Variants in ENTPD1 observed in about 807,000 individuals in gnomAD.
ENTPD1 encodes the protein ATP diphosphohydrolase.
A neutral mutation model predicts 57.0 loss-of-function variants in ENTPD1; 33 were observed. That is an observed-to-expected ratio of 0.58 (90% CI 0.44 to 0.77). The LOEUF (loss-of-function observed/expected upper bound fraction) is 0.77. Ranked by LOEUF, ENTPD1 falls within the 30% of genes least tolerant of loss-of-function variation. ENTPD1 has a pLI of 0.00. For synonymous variants in ENTPD1, 202 were observed against 218.8 expected (o/e 0.92, Z 0.68); for missense variants, 501 against 603.4 (o/e 0.83, Z 1.78).
intron 1 of ENTPD1, among the ~76,000 whole-genome samples, chr10:95,717,056 C>T (rs774084941): frequency 9.9e-5 from 15 of 152,148 alleles, no homozygotes; most frequent in African/African-American, 2.9e-4. Flanking sequence ...AGGCATGGGC[C>T]GTGTGGGATT....
intron 1 of ENTPD1, among the ~76,000 whole-genome samples, chr10:95,794,540 G>C (rs974320149): frequency 3.3e-5 from 5 of 152,152 alleles, no homozygotes; most frequent in African/African-American, 1.2e-4. Context: ...TTTGAGATGG[G>C]ACCCCAGAGT....
chr10:95,719,434 C>T (rs928693268), intron 1 of ENTPD1, among the ~76,000 whole-genome samples: 2 of 152,140 alleles, frequency 1.3e-5, no homozygotes, highest in African/African-American at 4.8e-5. Flanking sequence ...TTTGCCGTAC[C>T]TGGGAATCCA....
At chr10:95,856,859 TA>T (rs1401975071) in intron 7 of ENTPD1, among the ~76,000 whole-genome samples, 1 of 151,082 alleles carries the variant, frequency 6.6e-6, no homozygotes, top group Non-Finnish European at 1.5e-5. Context: ...ATTATATAAA[TA>T]TGTATTCACT....
chr10:95,809,028 A>T (rs1286584612), intron 1 of ENTPD1, among the ~76,000 whole-genome samples: 1 of 152,164 alleles, frequency 6.6e-6, no homozygotes, highest in Non-Finnish European at 1.5e-5. Context: ...TTCAGAGAGC[A>T]CGGGGTTGGG....
chr10:95,759,053 CA>C (rs2098044055), intron 1 of ENTPD1, among the ~76,000 whole-genome samples: 1 of 152,170 alleles, frequency 6.6e-6, no homozygotes, highest in Non-Finnish European at 1.5e-5. Flanking sequence ...TGTGCAAGTC[CA>C]AAAGGTCCTT....
chr10:95,736,164 C>T (rs535502728), intron 1 of ENTPD1, among the ~76,000 whole-genome samples: 1 of 151,954 alleles, frequency 6.6e-6, no homozygotes, highest in Non-Finnish European at 1.5e-5. Context: ...CCATGCTAGG[C>T]TAATTTTTGT....
intron 2 of ENTPD1, among the ~76,000 whole-genome samples, chr10:95,834,393 G>A (rs1207130395): frequency 6.6e-6 from 1 of 151,970 alleles, no homozygotes; most frequent in East Asian, 1.9e-4. Flanking sequence ...TGATCAGGAG[G>A]GTAGGATCTA....
At chr10:95,750,744 GC>G (rs1181429807), upstream of ENTPD1, among the ~76,000 whole-genome samples, 1 of 152,206 alleles carries the variant, frequency 6.6e-6, no homozygotes, top group Non-Finnish European at 1.5e-5. Context: ...CAGAGTTGTG[GC>G]CAGGCGCGGT....
chr10:95,816,948 A>G (rs1189399913), intron 1 of ENTPD1, among the ~76,000 whole-genome samples: 1 of 152,214 alleles, frequency 6.6e-6, no homozygotes, highest in Non-Finnish European at 1.5e-5. Context: ...AGTATAGGCT[A>G]TTACGTGTTG....
At chr10:95,749,269 TAATG>T (rs1265088066) in intron 1 of ENTPD1, among the ~76,000 whole-genome samples, 2 of 152,246 alleles carry the variant, frequency 1.3e-5, no homozygotes, top group Non-Finnish European at 2.9e-5. Flanking sequence ...GTTTTCACAA[TAATG>T]AATTCGTTCT....
At chr10:95,830,937 A>G (rs1240379756) in intron 2 of ENTPD1, among the ~76,000 whole-genome samples, 1 of 152,210 alleles carries the variant, frequency 6.6e-6, no homozygotes, top group African/African-American at 2.4e-5. Context: ...TGTGTTCCCA[A>G]GATTCCTTTT....
intron 5 of ENTPD1, 143 bp downstream of exon 5, chr10:95,844,778 C>T: frequency 2.8e-6 from 3 of 1,082,278 alleles, no homozygotes; most frequent in Non-Finnish European, 4.2e-6. Flanking sequence ...AATGAATTTA[C>T]TCTCACATTT....
intron 1 of ENTPD1, among the ~76,000 whole-genome samples, chr10:95,806,955 A>T (rs2098275468): frequency 6.6e-6 from 1 of 152,210 alleles, no homozygotes; most frequent in South Asian, 2.1e-4. Flanking sequence ...CAGTTAGGCT[A>T]CATGGGGGTC....
In ENTPD1 at chr10:95,857,890, G is replaced by A. The variant is rs1035317683; in HGVS notation, c.1075-2579G>A. On this transcript the variant is annotated intron_variant, in intron 7 of 9. Coordinates refer to ENST00000371205, the MANE Select transcript of ENTPD1 (RefSeq NM_001776.6). ...AAAAGGAACTGCTGGGGCAGGTCGC[G>A]GTGGCTTACGCCTGTAATCCCAGCA... Among the ~76,000 whole-genome samples the A allele has an allele frequency of 4.6e-5, 7 of 152,300 alleles. No homozygotes were observed. In the East Asian group the frequency reaches 1.2e-3, roughly 25 times the overall value.
At chr10:95,746,948 C>T (rs17462179) in intron 1 of ENTPD1, among the ~76,000 whole-genome samples, 40,902 of 152,052 alleles carry the variant, frequency 0.27, 6,347 homozygotes, top group Admixed American at 0.38. Context: ...TTGTTGACAA[C>T]TTTGGTTTGT....
At chr10:95,751,279 G>A (rs944154627), upstream of ENTPD1, among the ~76,000 whole-genome samples, 3 of 152,192 alleles carry the variant, frequency 2.0e-5, no homozygotes, top group Non-Finnish European at 2.9e-5. Context: ...CAGAAGTGAC[G>A]AGAATGGAGA....
intron 1 of ENTPD1, among the ~76,000 whole-genome samples, chr10:95,758,024 AAAAAAAG>A (rs1158723340): frequency 0.021 from 2,905 of 139,966 alleles, 131 homozygotes; most frequent in South Asian, 0.066. Context: ...AAAAAAAAAA[AAAAAAAG>A]ATTTGGACTG....
rs1054009352 is a variant in ENTPD1 at position 95,875,820 on chromosome 10, G to T, written c.*9437G>T. 2 of 209,816 alleles carry T rather than the reference G, an allele frequency of 9.5e-6. No individual in the cohort carries two copies. The highest frequency in any genetic ancestry group is 4.7e-5 in the African/African-American group (2 of 42,662). The allele number at this position is 209,816 out of a possible 1,614,324, so 13.0% of individuals were successfully genotyped here. A position where few individuals can be genotyped will look rare whatever the true frequency, so the allele number is the denominator to read the frequency against. On this transcript the variant is annotated 3_prime_UTR_variant, in exon 10 of 10. Transcript: ENST00000371205. ...GCAGAAACCCCTGATAAAACCATCA[G>T]ATCTCGTGAGACTTATTCACTATCA...
At chr10:95,736,490 C>T (rs1184089134) in intron 1 of ENTPD1, among the ~76,000 whole-genome samples, 3 of 152,002 alleles carry the variant, frequency 2.0e-5, no homozygotes, top group Non-Finnish European at 4.4e-5. Flanking sequence ...AACTCCTTTC[C>T]CACCCCTCCA....
Sources: allele counts gnomAD v4.1 joint callset (sites outside exome capture counted in the v4.1 genomes callset), GRCh38; gene constraint gnomAD v4.1.1; transcripts MANE v1.5; gene names NCBI Gene and HGNC (gene_info 2026-07-23, HGNC 2026-07-21).